The following DLC1 variants were observed in gnomAD, a reference collection of about 807,000 sequenced individuals.
DLC1 encodes the protein rho GTPase-activating protein 7.
A neutral mutation model predicts 140.3 loss-of-function variants in DLC1; 54 were observed. That is an observed-to-expected ratio of 0.38 (90% CI 0.31 to 0.48). DLC1 has a LOEUF of 0.48. Ranked by LOEUF, DLC1 falls within the 20% of genes least tolerant of loss-of-function variation. The pLI is 0.96. For synonymous variants in DLC1, 986 were observed against 728.1 expected, an observed-to-expected ratio of 1.35 and a Z score of -5.70; for missense variants, 2,536 against 1,907.0, an observed-to-expected ratio of 1.33 and a Z score of -6.14.
intron 1 of DLC1, among the ~76,000 whole-genome samples, chr8:13,563,809 G>C (rs10503455): frequency 0.12 from 17,880 of 152,160 alleles, 1,140 homozygotes; most frequent in South Asian, 0.18. Flanking sequence ...GCATCTGAAT[G>C]TATTTGTTAA....
At chr8:13,544,169 C>T (rs555127308) in intron 1 of DLC1, among the ~76,000 whole-genome samples, 1 of 149,478 alleles carries the variant, frequency 6.7e-6, no homozygotes, top group African/African-American at 2.4e-5. Flanking sequence ...TCTCTCCTCT[C>T]TTTGTCATTC....
chr8:13,281,172 A>C (rs1831353175), intron 5 of DLC1, among the ~76,000 whole-genome samples: 1 of 152,158 alleles, frequency 6.6e-6, no homozygotes. Flanking sequence ...ATGTTTAGTT[A>C]ATATAATCAT....
At chr8:13,409,984 C>A (rs936005342) in intron 2 of DLC1, among the ~76,000 whole-genome samples, 2 of 151,938 alleles carry the variant, frequency 1.3e-5, no homozygotes, top group African/African-American at 4.8e-5. Context: ...CAGAGAAAAC[C>A]GTTACATGGT....
At chr8:13,299,375 G>C (rs1832090998) in intron 5 of DLC1, among the ~76,000 whole-genome samples, 1 of 151,084 alleles carries the variant, frequency 6.6e-6, no homozygotes, top group Admixed American at 6.6e-5. Flanking sequence ...ATGAACCCAG[G>C]AGTTGGAGGT....
chr8:13,394,221 T>C (rs995221367), intron 3 of DLC1, among the ~76,000 whole-genome samples: 1 of 152,210 alleles, frequency 6.6e-6, no homozygotes, highest in Admixed American at 6.5e-5. Flanking sequence ...GAAATGTCTA[T>C]CTAATAAACT....
At chr8:13,344,219 C>T (rs376427455) in intron 4 of DLC1, among the ~76,000 whole-genome samples, 22 of 152,118 alleles carry the variant, frequency 1.4e-4, no homozygotes, top group Non-Finnish European at 2.5e-4. Context: ...TCAGCCTGGC[C>T]GTGGTGGTTC....
At position 13,272,303 on chromosome 8, in the gene DLC1, C is replaced by A. The variant is rs186909986; in HGVS notation, c.1348+32966G>T. 5.7e-3 allele frequency among the ~76,000 whole-genome samples: 867 copies of A among 151,990 alleles called. 13 individuals carry two copies. The highest frequency in any genetic ancestry group is 7.0e-3 in the Non-Finnish European group (478 of 67,986). On this transcript the variant is annotated intron_variant, in intron 5 of 17. Transcript: ENST00000276297. ...CCTCTACTAAAAATACAAAAATTAG[C>A]CAGGCGAGGTGGTGGTTGCCTGTAA...
intron 5 of DLC1, among the ~76,000 whole-genome samples, chr8:13,157,801 A>T (rs1824364677): frequency 6.6e-6 from 1 of 152,182 alleles, no homozygotes; most frequent in Non-Finnish European, 1.5e-5. Context: ...TTACACTTGG[A>T]ATCATAATAT....
rs144593983 is a variant in DLC1 at position 13,181,422 on chromosome 8, G to T, written c.1349-65765C>A. ...TACATAGGTATACATGGGCCATGTT[G>T]CTTTGCTGCACCCATCAACTCGTCA... On this transcript the variant is annotated intron_variant, in intron 5 of 17. Coordinates refer to ENST00000276297, the MANE Select transcript of DLC1 (RefSeq NM_182643.3). Among the ~76,000 whole-genome samples the T allele has an allele frequency of 9.8e-3, 1,458 of 148,960 alleles. 32 individuals carry two copies. The highest frequency in any genetic ancestry group is 0.034 in the African/African-American group (1,371 of 40,326).
At chr8:13,135,745 T>A (rs1822522867) in intron 5 of DLC1, among the ~76,000 whole-genome samples, 1 of 152,224 alleles carries the variant, frequency 6.6e-6, no homozygotes, top group East Asian at 1.9e-4. Flanking sequence ...TTCCCAGGAG[T>A]CTTTTTATTC....
chr8:13,558,450 T>C (rs929106506), intron 1 of DLC1: 5 of 152,160 alleles, frequency 3.3e-5, no homozygotes, highest in African/African-American at 9.7e-5. Context: ...TTTGAGAATG[T>C]GGTTCATAAT....
chr8:13,289,756 C>A (rs1831686586), intron 5 of DLC1, among the ~76,000 whole-genome samples: 1 of 152,156 alleles, frequency 6.6e-6, no homozygotes, highest in Non-Finnish European at 1.5e-5. Flanking sequence ...AAAATAAGAA[C>A]CTTGTTCCAA....
At chr8:13,503,221 T>G (rs7818166) in intron 1 of DLC1, among the ~76,000 whole-genome samples, 1 of 151,890 alleles carries the variant, frequency 6.6e-6, no homozygotes, top group African/African-American at 2.4e-5. Context: ...CTGGGTAACA[T>G]AGAGAGATGA....
Position 13,499,122 on chromosome 8 carries a change from T to C in DLC1, c.950A>G (p.Gln317Arg), listed in dbSNP as rs1801649854. The change falls in exon 2 of 18, where the codon CAG (glutamine) becomes CGG (arginine). Residue 317 changes from glutamine to arginine, a missense_variant. Gln to Arg is a conservative substitution (Grantham distance 43). Transcript: ENST00000276297. The stretch of plus-strand genomic sequence containing the variant: ...CAGGGTCTCCTTTAATTGTAAACAC[T>C]GCATGCCATCTTCTGCCTTGACCTT... ...PPKVKAEDGM[Q>R]CLQLKETLAT... 6.2e-7 allele frequency: 1 copy of C among 1,614,078 alleles called. No individual in the cohort carries two copies.
intron 6 of DLC1, among the ~76,000 whole-genome samples, chr8:13,113,365 G>T (rs1021766651): frequency 3.3e-5 from 5 of 152,164 alleles, no homozygotes; most frequent in African/African-American, 1.2e-4. Flanking sequence ...GGGAGGCAAT[G>T]GCCCAGAACA....
At chr8:13,158,687 C>T (rs1008855049) in intron 5 of DLC1, among the ~76,000 whole-genome samples, 1 of 147,634 alleles carries the variant, frequency 6.8e-6, no homozygotes, top group African/African-American at 2.5e-5. Context: ...CATTAAGGTT[C>T]CTCAGTAATC....
chr8:13,537,341 C>G (rs1803316842), intron 1 of DLC1, among the ~76,000 whole-genome samples: 1 of 152,192 alleles, frequency 6.6e-6, no homozygotes, highest in Admixed American at 6.5e-5. Flanking sequence ...GTTTGCTAGA[C>G]TTAATCATTC....
chr8:13,464,536 A>G (rs919460741), intron 2 of DLC1, among the ~76,000 whole-genome samples: 14 of 151,854 alleles, frequency 9.2e-5, no homozygotes, highest in African/African-American at 3.4e-4. Context: ...CATATGTCCC[A>G]TATATGTAAA....
At chr8:13,408,463 A>T (rs1311155478) in intron 2 of DLC1, among the ~76,000 whole-genome samples, 2 of 152,204 alleles carry the variant, frequency 1.3e-5, no homozygotes, top group Non-Finnish European at 2.9e-5. Context: ...CTTCAAACGG[A>T]GCACTGATTA....
Sources: allele counts gnomAD v4.1 joint callset (sites outside exome capture counted in the v4.1 genomes callset), GRCh38; gene constraint gnomAD v4.1.1; transcripts MANE v1.5; gene names NCBI Gene and HGNC (gene_info 2026-07-23, HGNC 2026-07-21).